Variants in TGFBR3 observed in about 807,000 individuals in gnomAD.
TGFBR3 encodes transforming growth factor beta receptor type 3.
TGFBR3 carries 46 observed loss-of-function variants against 87.9 expected under a neutral mutation model. The ratio of observed to expected loss-of-function variants is 0.52; its 90% CI spans 0.41 to 0.67. The LOEUF is 0.67. Ranked by LOEUF, TGFBR3 falls within the 30% of genes least tolerant of loss-of-function variation. The pLI, the probability that TGFBR3 is intolerant of heterozygous loss-of-function variation, is 0.00. For synonymous variants in TGFBR3, 381 were observed against 391.6 expected (o/e 0.97, Z 0.32); for missense variants, 866 against 1,041.9 (o/e 0.83, Z 2.32).
chr1:91,748,717 G>A (rs1407133129), intron 4 of TGFBR3, among the ~76,000 whole-genome samples: 1 of 112,332 alleles, frequency 8.9e-6, no homozygotes, highest in Non-Finnish European at 1.9e-5. Context: ...TTACCATTCT[G>A]GAAAGTATTA....
Position 91,785,204 on chromosome 1 carries a change from G to A in TGFBR3, c.246+12083C>T, listed in dbSNP as rs188570229. On this transcript the variant is annotated intron_variant, in intron 3 of 16. Transcript: ENST00000212355. ...CATCGAGGAACCTCAAGTGCTTTACGCTAAGTGAAAGAAGCTAGACACAAA... is the reference window on the plus strand; with the variant it reads ...CATCGAGGAACCTCAAGTGCTTTACACTAAGTGAAAGAAGCTAGACACAAA... Among the ~76,000 whole-genome samples the A allele has an allele frequency of 4.6e-5, 7 of 152,316 alleles. No individual in the cohort carries two copies. The East Asian group carries it at 7.7e-4, about 17-fold the overall frequency.
intron 3 of TGFBR3, among the ~76,000 whole-genome samples, chr1:91,772,039 C>T (rs910500198): frequency 1.3e-5 from 2 of 151,882 alleles, no homozygotes; most frequent in African/African-American, 2.4e-5. Context: ...TTAATTCAGA[C>T]GGAGCTAAGG....
At chr1:91,861,834 G>T in intron 1 of TGFBR3, 190 bp from the exon 2 acceptor site, 3 of 341,052 alleles carry the variant, frequency 8.8e-6, no homozygotes, top group South Asian at 2.9e-5. Flanking sequence ...AAATACTTTT[G>T]CAAATGACAT....
chr1:91,759,294 T>C (rs187357377), intron 3 of TGFBR3, among the ~76,000 whole-genome samples: 12 of 151,460 alleles, frequency 7.9e-5, no homozygotes, highest in African/African-American at 2.4e-4. Flanking sequence ...AGGGCTTTCA[T>C]TGTCTCAGCT....
chr1:91,688,789 T>G (rs903519318), intron 16 of TGFBR3, among the ~76,000 whole-genome samples: 6 of 152,050 alleles, frequency 3.9e-5, no homozygotes, highest in Non-Finnish European at 5.9e-5. Context: ...GAGGTTTTCA[T>G]TAGAAGTAGC....
chr1:91,786,271 G>C (rs752007371), intron 3 of TGFBR3: 13 of 456,122 alleles, frequency 2.9e-5, no homozygotes, highest in South Asian at 2.0e-4. Flanking sequence ...ATTATTTAGA[G>C]AAGTTTGGTT....
chr1:91,843,285 T>A (rs1677358418), intron 2 of TGFBR3, among the ~76,000 whole-genome samples: 1 of 152,186 alleles, frequency 6.6e-6, no homozygotes, highest in Non-Finnish European at 1.5e-5. Context: ...ATGAATGGTA[T>A]GAGTGTCTTA....
chr1:91,732,679 T>C (rs1571453289), intron 5 of TGFBR3, among the ~76,000 whole-genome samples: 2 of 152,192 alleles, frequency 1.3e-5, no homozygotes, highest in Non-Finnish European at 2.9e-5. Flanking sequence ...CTCCACGGCA[T>C]GGCCCGGTGA....
Position 91,720,226 on chromosome 1 carries a change from C to A in TGFBR3, c.1080G>T (p.Glu360Asp). 1 of 1,588,886 alleles carries A rather than the reference C, an allele frequency of 6.3e-7. No homozygotes were observed. The change falls in exon 9 of 17, where the codon GAG becomes GAT. Residue 360 changes from glutamate to aspartate, a missense_variant. Coordinates refer to ENST00000212355, the MANE Select transcript of TGFBR3 (RefSeq NM_003243.5). ...TGTGGACTTCCTCATCTCCCATCTCCTCTGCTGGTGAAAGAAGAAGGCAAA... is the reference window on the plus strand; with the variant it reads ...TGTGGACTTCCTCATCTCCCATCTCATCTGCTGGTGAAAGAAGAAGGCAAA... ...RFHLRLENNA[E>D]EMGDEEVHTI...
rs1670910676 is a variant in TGFBR3 at position 91,681,560 on chromosome 1, TAA to T, written c.*2177_*2178del. On this transcript the variant is annotated 3_prime_UTR_variant, in exon 17 of 17. Coordinates refer to ENST00000212355, the MANE Select transcript of TGFBR3 (RefSeq NM_003243.5). ...CTGTCCTTCTAAGACATCAATCTTT[TAA>T]TATCTCCTAATAGCTAATTTTCTTT... 2.6e-6 allele frequency: 1 copy of T among 379,654 alleles called. No individual in the cohort carries two copies. The highest frequency in any genetic ancestry group is 2.2e-5 in the African/African-American group (1 of 46,328). 23.5% of individuals were successfully genotyped at this position (379,654 alleles called of 1,614,324 possible). A position where few individuals can be genotyped will look rare whatever the true frequency, so the allele number is the denominator to read the frequency against.
At position 91,723,430 on chromosome 1, in the gene TGFBR3, A is replaced by G. The variant is rs1473584296; in HGVS notation, c.886-1286T>C. ...CGTGAGTTAGAGGTTGCAGTAAGCT[A>G]TAGTCATGCCACTGCACTCTAGCCT... On this transcript the variant is annotated intron_variant, in intron 7 of 16. Transcript: ENST00000212355. 2.1e-5 allele frequency among the ~76,000 whole-genome samples: 3 copies of G among 145,276 alleles called. No homozygotes were observed. In the Admixed American group the frequency reaches 2.1e-4, roughly 10 times the overall value.
chr1:91,892,880 A>C (rs969759656), intron 2 of TGFBR3, among the ~76,000 whole-genome samples: 1 of 152,202 alleles, frequency 6.6e-6, no homozygotes, highest in Non-Finnish European at 1.5e-5. Flanking sequence ...CAAAAAGTTC[A>C]CAATACTTGC....
At chr1:91,816,802 T>A (rs1265940058) in intron 2 of TGFBR3, among the ~76,000 whole-genome samples, 2 of 152,180 alleles carry the variant, frequency 1.3e-5, no homozygotes, top group Admixed American at 1.3e-4. Context: ...TTCTTTCATA[T>A]CCCTTTACAT....
chr1:91,758,473 A>C, intron 4 of TGFBR3, 140 bp downstream of exon 4: 1 of 1,015,764 alleles, frequency 9.8e-7, no homozygotes, highest in Non-Finnish European at 1.5e-6. Flanking sequence ...AATATCACTA[A>C]GTGCATCCTC....
At chr1:91,684,525 G>A (rs1252960453) in intron 16 of TGFBR3, among the ~76,000 whole-genome samples, 1 of 152,182 alleles carries the variant, frequency 6.6e-6, no homozygotes, top group Non-Finnish European at 1.5e-5. Context: ...CCCCACTGAG[G>A]TTCCCTGTGG....
chr1:91,763,745 C>A (rs1674060728), intron 3 of TGFBR3, among the ~76,000 whole-genome samples: 1 of 152,186 alleles, frequency 6.6e-6, no homozygotes, highest in African/African-American at 2.4e-5. Flanking sequence ...ATTTCACTGA[C>A]ATTTGGGCAA....
intron 2 of TGFBR3, among the ~76,000 whole-genome samples, chr1:91,800,651 A>C (rs1050450536): frequency 6.6e-6 from 1 of 152,066 alleles, no homozygotes; most frequent in Non-Finnish European, 1.5e-5. Context: ...CCAAGATTGA[A>C]AAAGAAAAAA....
intron 2 of TGFBR3, among the ~76,000 whole-genome samples, chr1:91,817,998 T>C (rs1676295759): frequency 6.6e-6 from 1 of 152,102 alleles, no homozygotes; most frequent in Admixed American, 6.5e-5. Context: ...AAGCTTTAAG[T>C]TTAGAGTATA....
chr1:91,791,908 A>G (rs1675207672), intron 3 of TGFBR3, among the ~76,000 whole-genome samples: 1 of 152,270 alleles, frequency 6.6e-6, no homozygotes, highest in South Asian at 2.1e-4. Flanking sequence ...GGCTGCTAGT[A>G]TTGTCATTTG....
Sources: allele counts gnomAD v4.1 joint callset (sites outside exome capture counted in the v4.1 genomes callset), GRCh38; gene constraint gnomAD v4.1.1; transcripts MANE v1.5; gene names NCBI Gene and HGNC (gene_info 2026-07-23, HGNC 2026-07-21).